Variants in BMAL2 observed in about 807,000 individuals in gnomAD.
The protein encoded by BMAL2 is basic helix-loop-helix ARNT-like protein 2.
the BMAL2 span, among the ~76,000 whole-genome samples, chr12:27,399,061 G>A: frequency 6.6e-6 from 1 of 152,146 alleles, no homozygotes; most frequent in Non-Finnish European, 1.5e-5. Flanking sequence ...TAAAGACTGG[G>A]TTTGGGTTGG....
At chr12:27,412,596 C>T in the BMAL2 span, among the ~76,000 whole-genome samples, 1 of 151,930 alleles carries the variant, frequency 6.6e-6, no homozygotes, top group Non-Finnish European at 1.5e-5. Flanking sequence ...GTGAAGAAAG[C>T]CCATAGGACT....
the BMAL2 span, chr12:27,368,461 G>T: frequency 6.3e-7 from 1 of 1,578,648 alleles, no homozygotes; most frequent in Non-Finnish European, 8.7e-7. Context: ...ACTTTAGGGA[G>T]AAGAGGAAAA....
chr12:27,409,053 C>T, the BMAL2 span, among the ~76,000 whole-genome samples: 27 of 152,252 alleles, frequency 1.8e-4, no homozygotes, highest in South Asian at 4.1e-4. Context: ...TGAAGGACCT[C>T]TTCAAGGAGA....
chr12:27,417,568 C>T, the BMAL2 span, among the ~76,000 whole-genome samples: 4 of 152,232 alleles, frequency 2.6e-5, no homozygotes, highest in Admixed American at 1.3e-4. Context: ...AGCTGCCTCA[C>T]GGTATCTGAG....
At chr12:27,419,031 A>T in the BMAL2 span, among the ~76,000 whole-genome samples, 2 of 152,074 alleles carry the variant, frequency 1.3e-5, no homozygotes, top group African/African-American at 4.8e-5. Flanking sequence ...TTCAGTTATC[A>T]ATGGAATCAG....
chr12:27,387,432 C>A, the BMAL2 span: 1 of 722,220 alleles, frequency 1.4e-6, no homozygotes, highest in Non-Finnish European at 2.4e-6. Context: ...GGATTAGATT[C>A]TGCTAAGTTA....
chr12:27,410,734 TAA>T, the BMAL2 span, among the ~76,000 whole-genome samples: 63 of 151,840 alleles, frequency 4.1e-4, 1 homozygote, highest in Non-Finnish European at 1.8e-4. Context: ...ACCCTAAAAC[TAA>T]AAGTGTAATA....
the BMAL2 span, chr12:27,387,292 C>A: frequency 1.2e-6 from 2 of 1,609,972 alleles, no homozygotes; most frequent in South Asian, 2.2e-5. Flanking sequence ...GTTTCTAAGT[C>A]AGTCTCCAAA....
At chr12:27,351,922 A>G in the BMAL2 span, among the ~76,000 whole-genome samples, 2 of 152,092 alleles carry the variant, frequency 1.3e-5, no homozygotes, top group African/African-American at 2.4e-5. Context: ...AGCAAACAAT[A>G]TACCATACAA....
At chr12:27,380,363 C>T in the BMAL2 span, 1 of 1,614,182 alleles carries the variant, frequency 6.2e-7, no homozygotes, top group African/African-American at 1.3e-5. Context: ...GACAAACTTA[C>T]AGTTTTAAGA....
At chr12:27,400,364 TAAAC>T in the BMAL2 span, among the ~76,000 whole-genome samples, 4 of 152,154 alleles carry the variant, frequency 2.6e-5, no homozygotes, top group Admixed American at 6.5e-5. Flanking sequence ...AGTCATGAAA[TAAAC>T]AAAATTGGTG....
the BMAL2 span, among the ~76,000 whole-genome samples, chr12:27,372,160 A>G: frequency 6.8e-6 from 1 of 147,118 alleles, no homozygotes; most frequent in African/African-American, 2.5e-5. Context: ...GAACCTAGGA[A>G]GTGGAGGTTG....
At chr12:27,363,251 C>A in the BMAL2 span, among the ~76,000 whole-genome samples, 3 of 152,146 alleles carry the variant, frequency 2.0e-5, no homozygotes, top group Non-Finnish European at 4.4e-5. Flanking sequence ...CTCAGGTTTT[C>A]ATTGTTGTTG....
At chr12:27,370,650 G>A in the BMAL2 span, among the ~76,000 whole-genome samples, 1 of 152,050 alleles carries the variant, frequency 6.6e-6, no homozygotes, top group African/African-American at 2.4e-5. Flanking sequence ...CTGTCGCCAG[G>A]CTGGAGTGCA....
the BMAL2 span, among the ~76,000 whole-genome samples, chr12:27,371,880 A>G: frequency 1.3e-5 from 2 of 152,260 alleles, no homozygotes; most frequent in Admixed American, 1.3e-4. Context: ...GTCCATAAAC[A>G]ATAGCATTCC....
At chr12:27,408,144 A>G in the BMAL2 span, among the ~76,000 whole-genome samples, 1 of 152,192 alleles carries the variant, frequency 6.6e-6, no homozygotes, top group Non-Finnish European at 1.5e-5. Flanking sequence ...ATGGATTCAC[A>G]GCCGAATTCT....
At chr12:27,374,690 A>G in the BMAL2 span, among the ~76,000 whole-genome samples, 1 of 152,216 alleles carries the variant, frequency 6.6e-6, no homozygotes, top group Non-Finnish European at 1.5e-5. Context: ...TGTACCAACC[A>G]CACAACAGGC....
chr12:27,418,600 G>C, the BMAL2 span, among the ~76,000 whole-genome samples: 1 of 150,374 alleles, frequency 6.7e-6, no homozygotes, highest in Non-Finnish European at 1.5e-5. Flanking sequence ...GTGAGACCTT[G>C]TCTGAAAAAA....
chr12:27,407,123 G>C, the BMAL2 span, among the ~76,000 whole-genome samples: 2 of 148,408 alleles, frequency 1.3e-5, no homozygotes, highest in Non-Finnish European at 3.0e-5. Flanking sequence ...AAGAGACTTA[G>C]ACCCTCACAC....
Sources: allele counts gnomAD v4.1 joint callset (sites outside exome capture counted in the v4.1 genomes callset), GRCh38; gene constraint gnomAD v4.1.1; transcripts MANE v1.5; gene names NCBI Gene and HGNC (gene_info 2026-07-23, HGNC 2026-07-21).